TIMELESS: variants seen among roughly 807,000 people sequenced by gnomAD.
The protein encoded by TIMELESS is timeless circadian regulator.
Under a neutral mutation model 164.3 loss-of-function variants are expected in TIMELESS, and 124 were observed. The ratio of observed to expected loss-of-function variants is 0.75; its 90% confidence interval spans 0.65 to 0.88. TIMELESS has a LOEUF of 0.88. Ranked by LOEUF, TIMELESS falls within the 40% of genes least tolerant of loss-of-function variation. The probability of loss-of-function intolerance (pLI) is 0.00; values close to 1 mark genes in which losing one functional copy is unlikely to be tolerated. For missense variants in TIMELESS, 1,422 were observed against 1,491.4 expected, an observed-to-expected ratio of 0.95 and a Z score of 0.77; for synonymous variants, 564 against 563.4, an observed-to-expected ratio of 1.00 and a Z score of -0.02.
chr12:56,429,926 C>T (rs930092921), intron 10 of TIMELESS, among the ~76,000 whole-genome samples, 179 bp downstream of exon 10: 1 of 151,992 alleles, frequency 6.6e-6, no homozygotes, highest in Admixed American at 6.6e-5. Context: ...GGAGCCCACT[C>T]GTTCCTGGCA....
Position 56,434,065 on chromosome 12 carries a change from G to T in TIMELESS, c.97+9C>A. ...AATTTTTTTCCTGTTTCATCAAAAA[G>T]GTACTCACCTAAGCAATCTGGTTCC... On this transcript the variant is annotated intron_variant, in intron 2 of 28. Transcript: ENST00000553532. 6.2e-7 allele frequency: 1 copy of T among 1,613,658 alleles called. No homozygotes were observed. Among genetic ancestry groups the T allele is most frequent in the Non-Finnish European group, 8.5e-7 (1 of 1,179,616 alleles).
chr12:56,440,404 T>C (rs1035319437), intron 1 of TIMELESS, among the ~76,000 whole-genome samples: 5 of 152,194 alleles, frequency 3.3e-5, no homozygotes, highest in Non-Finnish European at 7.3e-5. Flanking sequence ...CCCAAAGTGC[T>C]GGGATACCAG....
At position 56,421,736 on chromosome 12, in the gene TIMELESS, C is replaced by T; in HGVS notation, c.2716G>A (p.Asp906Asn). The T allele has an allele frequency of 6.2e-7, 1 of 1,614,120 alleles. No homozygotes were observed. The highest frequency in any genetic ancestry group is 8.5e-7 in the Non-Finnish European group (1 of 1,180,010). Reference sequence around the variant, plus strand: ...TTTCCAGCTTACTCACCATCTGAGTCCCGGAATTCCTCAAAAAGCCGCTGC... The same window carrying T: ...TTTCCAGCTTACTCACCATCTGAGTTCCGGAATTCCTCAAAAAGCCGCTGC... ...ELQRLFEEFR[D>N]SDDVLGHIMK... is the part of the protein sequence containing the mutation. Residue 906 changes from aspartate to asparagine, a missense_variant, in exon 22 of 29, where the codon GAC becomes AAC. Physicochemically the swap from Asp to Asn is conservative, Grantham distance 23. Transcript: ENST00000553532.
intron 26 of TIMELESS, among the ~76,000 whole-genome samples, chr12:56,418,955 C>A (rs148093435): frequency 1.3e-5 from 2 of 150,484 alleles, no homozygotes; most frequent in South Asian, 4.2e-4. Flanking sequence ...AAATAACTCA[C>A]AATCCAATGG....
intron 26 of TIMELESS, among the ~76,000 whole-genome samples, chr12:56,418,700 CT>C (rs1881355160): frequency 6.6e-6 from 1 of 151,748 alleles, no homozygotes; most frequent in Non-Finnish European, 1.5e-5. Context: ...GCCTCAGCCT[CT>C]CAAGTAGCCA....
chr12:56,440,821 T>G (rs1868264293), intron 1 of TIMELESS, among the ~76,000 whole-genome samples: 1 of 152,152 alleles, frequency 6.6e-6, no homozygotes, highest in African/African-American at 2.4e-5. Context: ...GACAGGCAGT[T>G]TACAGTTTTG....
chr12:56,423,452 C>G lies in TIMELESS; in HGVS notation c.2114G>C (p.Arg705Pro). 18 of 1,614,026 alleles carry G rather than the reference C, an allele frequency of 1.1e-5. No homozygotes were observed. Among genetic ancestry groups the G allele is most frequent in the Non-Finnish European group, 1.4e-5 (17 of 1,180,004 alleles). Reference protein sequence around the residue: ...LKRFACSTVVRAYVLLLRSYQ... With the variant: ...LKRFACSTVVPAYVLLLRSYQ... ...GCTCCTTAGTAGCAGCACATAGGCTCGAACGACAGTTGAACATGCAAAGCT... is the reference window on the plus strand; with the variant it reads ...GCTCCTTAGTAGCAGCACATAGGCTGGAACGACAGTTGAACATGCAAAGCT... Residue 705 changes from arginine (R) to proline (P), a missense_variant, in exon 18 of 29, where the codon CGA (arginine) becomes CCA (proline). Physicochemically the swap from Arg to Pro is moderately radical, Grantham distance 103 (BLOSUM62 -2). Transcript: ENST00000553532.
In TIMELESS at chr12:56,418,151, C is replaced by T; in HGVS notation, c.3437G>A (p.Gly1146Asp). Residue 1146 changes from glycine (G) to aspartate (D), a missense_variant, in exon 27 of 29, where the codon GGC becomes GAC. Physicochemically the swap from Gly to Asp is moderately conservative, Grantham distance 94. Transcript: ENST00000553532. ...ACTATTACCCTCTGGGGATGCCAGG[C>T]CCGCTTTCTTCTTGTGGGCTAGCAA... ...ALLLAHKKKA[G>D]LASPEEEDAV... The T allele has an allele frequency of 6.2e-7, 1 of 1,614,230 alleles. No homozygotes were observed. Among genetic ancestry groups the T allele is most frequent in the Non-Finnish European group, 8.5e-7 (1 of 1,180,038 alleles).
At chr12:56,430,674 TA>T (rs753375553) in intron 9 of TIMELESS, among the ~76,000 whole-genome samples, 3 of 152,074 alleles carry the variant, frequency 2.0e-5, no homozygotes, top group Non-Finnish European at 4.4e-5. Context: ...ACCTTTAATT[TA>T]ATTTTTTTTT....
intron 15 of TIMELESS, 147 bp downstream of exon 15, chr12:56,424,615 C>G: frequency 1.1e-6 from 1 of 902,346 alleles, no homozygotes; most frequent in Non-Finnish European, 1.5e-6. Context: ...ACCCAACAAA[C>G]CAATCAAAAC....
chr12:56,430,033 AC>A (rs1881818599), intron 10 of TIMELESS, 71 bp downstream of exon 10: 2 of 1,481,554 alleles, frequency 1.3e-6, no homozygotes, highest in African/African-American at 2.9e-5. Context: ...CCCACTTCTT[AC>A]CCACCAACAG....
At chr12:56,422,636 T>C (rs1881534644) in intron 19 of TIMELESS, among the ~76,000 whole-genome samples, 3 of 152,174 alleles carry the variant, frequency 2.0e-5, no homozygotes, top group African/African-American at 7.2e-5. Context: ...AGAAGGAAAC[T>C]AGATACACAC....
At chr12:56,436,808 T>C (rs917070317) in intron 1 of TIMELESS, among the ~76,000 whole-genome samples, 6 of 152,334 alleles carry the variant, frequency 3.9e-5, no homozygotes, top group Middle Eastern at 3.4e-3. Flanking sequence ...TTGATTTATA[T>C]AGTAAAAATC....
At chr12:56,422,813 A>AACCCCACC in intron 19 of TIMELESS, 34 bp downstream of exon 19, 1 of 1,357,058 alleles carries the variant, frequency 7.4e-7, no homozygotes, top group Non-Finnish European at 1.0e-6. Context: ...AACTTCCCCT[A>AACCCCACC]CCCCCACCCA....
intron 24 of TIMELESS, 40 bp downstream of exon 24, chr12:56,420,923 G>A: frequency 1.2e-6 from 2 of 1,614,030 alleles, no homozygotes; most frequent in Non-Finnish European, 1.7e-6. Context: ...CTACTCCCAA[G>A]CCCTCCACCT....
chr12:56,425,748 A>G (rs1431419965), intron 13 of TIMELESS, among the ~76,000 whole-genome samples: 2 of 151,996 alleles, frequency 1.3e-5, no homozygotes, highest in African/African-American at 2.4e-5. Context: ...GGTGGTGTGT[A>G]CCTGTAGTCC....
At chr12:56,420,541 T>C in intron 26 of TIMELESS, 28 bp downstream of exon 26, 2 of 1,593,434 alleles carry the variant, frequency 1.3e-6, no homozygotes, top group South Asian at 1.1e-5. Context: ...TAACACGCCT[T>C]GGTTGACACT....
At position 56,441,160 on chromosome 12, in the gene TIMELESS, A is replaced by T. The variant is rs150246754; in HGVS notation, c.-61-6929T>A. Among the ~76,000 whole-genome samples, 980 of 152,296 alleles carry T rather than the reference A, an allele frequency of 6.4e-3. 10 individuals carry two copies. The highest frequency in any genetic ancestry group is 0.022 in the African/African-American group (933 of 41,546). On this transcript the variant is annotated intron_variant, in intron 1 of 28. Transcript: ENST00000553532. ...ATGATGATAATAATAAAAAGCCTGT[A>T]TTCTCTATGTCTTTTTAAATGTTAT...
intron 23 of TIMELESS, 65 bp downstream of exon 23, chr12:56,421,286 C>T: frequency 6.3e-7 from 1 of 1,587,804 alleles, no homozygotes; most frequent in East Asian, 2.2e-5. Flanking sequence ...TCCAGGTGGA[C>T]TGCTCCTAAG....
Sources: gnomAD v4.1 joint callset for allele counts (sites outside exome capture counted in the v4.1 genomes callset) on GRCh38, gnomAD v4.1.1 for gene constraint, MANE v1.5 for transcripts, NCBI Gene and HGNC (gene_info 2026-07-23, HGNC 2026-07-21) for gene names.